Variants in MYH1 observed in about 807,000 individuals in gnomAD.
MYH1 encodes the protein myosin heavy chain 1.
MYH1 carries 214 observed loss-of-function variants against 225.6 expected under a neutral mutation model. The ratio of observed to expected loss-of-function variants is 0.95; its 90% confidence interval spans 0.85 to 1.06. The LOEUF (loss-of-function observed/expected upper bound fraction) is 1.06, where lower values mean the gene tolerates loss of function less well. Among genes scored for constraint, MYH1 ranks in the 50% least tolerant of loss-of-function variants. The pLI is 0.00. For synonymous variants in MYH1, 774 were observed against 842.3 expected (o/e 0.92, Z 1.40); for missense variants, 2,098 against 2,344.2 (o/e 0.89, Z 2.17).
intron 28 of MYH1, among the ~76,000 whole-genome samples, chr17:10,500,362 T>TTATA (rs111335253): frequency 8.8e-5 from 13 of 147,572 alleles, no homozygotes; most frequent in Admixed American, 2.0e-4. Context: ...CTCTCTCTCT[T>TTATA]TATATATATA....
rs1319686709 is a variant in MYH1, at chr17:10,495,260, C to A, written c.5227G>T (p.Gly1743Ter). ...TCCTGGATGATGTCTTCCATCTCTC[C>A]CTGGATTTGGGAAATGTCTGTCTCC... ...KLETDISQIQ[G>*]EMEDIIQEAR... The change falls in exon 36 of 40, where the codon GGA (glycine) becomes TGA (stop). Residue 1743 changes from glycine to a stop codon, truncating the protein, a stop_gained. Transcript: ENST00000226207. LOFTEE classifies it high-confidence loss of function. 6.2e-7 allele frequency: 1 copy of A among 1,614,122 alleles called. No individual in the cohort carries two copies. The highest frequency in any genetic ancestry group is 1.1e-5 in the South Asian group (1 of 91,076).
In MYH1 at chr17:10,514,014, A is replaced by T. The variant is rs745604359; in HGVS notation, c.644T>A (p.Met215Lys). ...KKKEEVTSGK[M>K]QGTLEDQIIS... ...CTGACTAACAATCAGACTCACCTGC[A>T]TTTTGCCAGAAGTAACTTCTTCCTT... Residue 215 changes from methionine to lysine, a missense_variant, in exon 7 of 40, where the codon ATG becomes AAG. Physicochemically the swap from Met to Lys is moderately conservative, Grantham distance 95. Transcript: ENST00000226207. 5 of 1,614,132 alleles carry T rather than the reference A, an allele frequency of 3.1e-6. No individual in the cohort carries two copies. The highest frequency in any genetic ancestry group is 3.4e-6 in the Non-Finnish European group (4 of 1,179,986).
rs1228839721 is a variant in MYH1 at position 10,507,966 on chromosome 17, A to G, written c.1898-10T>C. On this transcript the variant is annotated splice_polypyrimidine_tract_variant and intron_variant, in intron 16 of 39. Transcript: ENST00000226207. ...TTTCCACCGCCAGCCTCTGAGGGGAAAAAGAAAGCAATCATAGGACAGCCT... is the reference window on the plus strand; with the variant it reads ...TTTCCACCGCCAGCCTCTGAGGGGAGAAAGAAAGCAATCATAGGACAGCCT... 5 of 1,610,648 alleles carry G rather than the reference A, an allele frequency of 3.1e-6. No individual in the cohort carries two copies. In the South Asian group the frequency reaches 5.5e-5, roughly 18 times the overall value.
chr17:10,515,601 A>T (rs2073217140), intron 5 of MYH1, among the ~76,000 whole-genome samples: 1 of 152,226 alleles, frequency 6.6e-6, no homozygotes. Context: ...TACATGATTT[A>T]TATGATTCAG....
chr17:10,507,135 C>T (rs2073120695), intron 17 of MYH1, among the ~76,000 whole-genome samples: 2 of 152,136 alleles, frequency 1.3e-5, no homozygotes, highest in African/African-American at 2.4e-5. Context: ...ATGATCTCAG[C>T]TCATGGCAAC....
rs1272751380 is a variant in MYH1, at chr17:10,498,831, A to G, written c.3985-9T>C. The G allele has an allele frequency of 3.7e-6, 6 of 1,613,910 alleles. No individual in the cohort carries two copies. Among genetic ancestry groups the G allele is most frequent in the East Asian group, 2.2e-5 (1 of 44,892 alleles). ...GCCAGGGCACTCTTGGCCTGAGAAC[A>G]TAGAGATTGATGACTTAATTTTATA... On this transcript the variant is annotated splice_polypyrimidine_tract_variant and intron_variant, in intron 29 of 39. Transcript: ENST00000226207.
In MYH1 at chr17:10,507,921, C is replaced by T; in HGVS notation, c.1933G>A (p.Gly645Ser). Residue 645 changes from glycine (G) to serine (S), a missense_variant, in exon 17 of 40, where the codon GGT becomes AGT. Physicochemically the swap from Gly to Ser is moderately conservative, Grantham distance 56 (BLOSUM62 0). Transcript: ENST00000226207. Reference protein sequence around the residue: ...GGGKKGGKKKGSSFQTVSALF... With the variant: ...GGGKKGGKKKSSSFQTVSALF... The stretch of plus-strand genomic sequence containing the variant: ...GCAGACACAGTCTGGAAAGAAGAAC[C>T]CTTCTTCTTACCACCTTTCTTTCCA... 1 of 1,613,856 alleles carries T rather than the reference C, an allele frequency of 6.2e-7. No individual in the cohort carries two copies. The highest frequency in any genetic ancestry group is 2.2e-5 in the East Asian group (1 of 44,876).
chr17:10,505,990 C>G (rs756172808), intron 18 of MYH1, 22 bp downstream of exon 18: 1 of 1,614,116 alleles, frequency 6.2e-7, no homozygotes, highest in Non-Finnish European at 8.5e-7. Context: ...TGGAGCTTGT[C>G]TGGATATCAG....
rs1392042407 is a variant in MYH1, at chr17:10,494,673, C to T, written c.5467G>A (p.Val1823Ile). The change falls in exon 38 of 40, where the codon GTT (valine) becomes ATT (isoleucine). Residue 1823 changes from valine to isoleucine, a missense_variant and splice_region_variant. Coordinates refer to ENST00000226207, the MANE Select transcript of MYH1 (RefSeq NM_005963.4). ...TCAACTTCACCTTCAAGTTCACGAA[C>T]CTACAAGAAGATGGACATTTTAAGG... ...KKQIQKLEAR[V>I]RELEGEVESE... The T allele has an allele frequency of 3.7e-6, 6 of 1,613,650 alleles. 1 individual carries two copies. In the South Asian group the frequency reaches 6.6e-5, roughly 18 times the overall value.
chr17:10,494,262 T>C, intron 39 of MYH1, 92 bp downstream of exon 39: 1 of 1,261,864 alleles, frequency 7.9e-7, no homozygotes, highest in Middle Eastern at 1.9e-4. Context: ...CTTTTGATCC[T>C]TCCTCATTTT....
At position 10,512,485 on chromosome 17, in the gene MYH1, C is replaced by T. The variant is rs796552940; in HGVS notation, c.1070G>A (p.Gly357Glu). Residue 357 changes from glycine to glutamate, a missense_variant, in exon 12 of 40, where the codon GGG (glycine) becomes GAG (glutamate). Physicochemically the swap from Gly to Glu is moderately conservative, Grantham distance 98. Transcript: ENST00000226207. Reference sequence around the variant, plus strand: ...CATGTTCCCATAATGCATCACAGCCCCTGTGAGCTTATAGATGGACACTCT... The same window carrying T: ...CATGTTCCCATAATGCATCACAGCCTCTGTGAGCTTATAGATGGACACTCT... ...DERVSIYKLTGAVMHYGNMKF... is the reference protein window; with the variant it reads ...DERVSIYKLTEAVMHYGNMKF... 3.7e-6 allele frequency: 6 copies of T among 1,613,996 alleles called. No homozygotes were observed. The Admixed American group carries it at 6.7e-5, about 18-fold the overall frequency.
chr17:10,503,259 G>T lies in MYH1; in HGVS notation c.2692-11C>A, dbSNP rs756795572. The T allele has an allele frequency of 1.9e-6, 3 of 1,610,282 alleles. No individual in the cohort carries two copies. The South Asian group carries it at 3.3e-5, about 18-fold the overall frequency. ...CAAGCTGTCAGCTTCCTGAGAAGAG[G>T]CAATAGATATTTTAGATTTTATGAA... On this transcript the variant is annotated splice_polypyrimidine_tract_variant and intron_variant, in intron 22 of 39. Transcript: ENST00000226207.
Position 10,498,983 on chromosome 17 carries a change from C to T in MYH1, c.3975G>A (p.Glu1325=). Residue 1325 remains glutamate, a synonymous_variant, in exon 29 of 40, where the codon GAG becomes GAA. Coordinates refer to ENST00000226207, the MANE Select transcript of MYH1 (RefSeq NM_005963.4). ...GACAAGTGGAGCTTACCTTTATCTC[C>T]TCTTCAAGTTGCCTTTTCAGTTCCT... is the stretch of plus-strand genomic sequence containing the variant. ...QIEELKRQLE[E]EIKAKSALAH... is the part of the protein sequence containing the mutation. 6.2e-7 allele frequency: 1 copy of T among 1,612,200 alleles called. No individual in the cohort carries two copies. Among genetic ancestry groups the T allele is most frequent in the Non-Finnish European group, 8.5e-7 (1 of 1,178,416 alleles).
rs1346129098 is a variant in MYH1, at chr17:10,501,399, A to G, written c.3449T>C (p.Ile1150Thr). Residue 1150 changes from isoleucine (I) to threonine (T), a missense_variant, in exon 27 of 40, where the codon ATC becomes ACC. Physicochemically the swap from Ile to Thr is moderately conservative, Grantham distance 89. Coordinates refer to ENST00000226207, the MANE Select transcript of MYH1 (RefSeq NM_005963.4). The part of the protein sequence containing the change: ...RSDLSRELEE[I>T]SERLEEAGGA... ...ACCGGCTTCTTCCAGCCTCTCGCTG[A>G]TCTCCTCCAGCTCCCGGGAGAGATC... The G allele has an allele frequency of 6.2e-7, 1 of 1,614,118 alleles. No individual in the cohort carries two copies. The highest frequency in any genetic ancestry group is 1.1e-5 in the South Asian group (1 of 91,082).
At chr17:10,514,780 T>C (rs1774135614) in intron 6 of MYH1, 88 bp downstream of exon 6, 2 of 1,194,574 alleles carry the variant, frequency 1.7e-6, no homozygotes, top group South Asian at 2.5e-5. Flanking sequence ...AGTGCTTTAG[T>C]AGAGAACATT....
At position 10,512,008 on chromosome 17, in the gene MYH1, T is replaced by C. The variant is rs768693914; in HGVS notation, c.1267-20A>G. 16 of 1,614,162 alleles carry C rather than the reference T, an allele frequency of 9.9e-6. 1 individual carries two copies. In the South Asian group the frequency reaches 1.8e-4, roughly 18 times the overall value. On this transcript the variant is annotated intron_variant, in intron 13 of 39. Coordinates refer to ENST00000226207, the MANE Select transcript of MYH1 (RefSeq NM_005963.4). ...GTACACCTTCACAGATAAAGTTTGT[T>C]GGTGTTATTAAAGACATGTCATGAA...
At position 10,508,320 on chromosome 17, in the gene MYH1, T is replaced by C. The variant is rs1472671281; in HGVS notation, c.1897+43A>G. Reference sequence around the variant, plus strand: ...AGGCACCGTGTCTGGCCTCTAGTTATGTTTTATACATTAGGTAAAAGATTA... The same window carrying C: ...AGGCACCGTGTCTGGCCTCTAGTTACGTTTTATACATTAGGTAAAAGATTA... On this transcript the variant is annotated intron_variant, in intron 16 of 39. Transcript: ENST00000226207. The C allele has an allele frequency of 2.0e-6, 3 of 1,537,376 alleles. No individual in the cohort carries two copies. In the African/African-American group the frequency reaches 4.2e-5, roughly 21 times the overall value.
intron 14 of MYH1, among the ~76,000 whole-genome samples, chr17:10,510,383 T>C (rs961990722): frequency 7.9e-4 from 120 of 152,308 alleles, no homozygotes; most frequent in African/African-American, 2.6e-3. Flanking sequence ...TCCTCACAGC[T>C]ACCTTTGTAG....
chr17:10,515,718 A>G (rs2073218477), intron 5 of MYH1, among the ~76,000 whole-genome samples: 1 of 152,234 alleles, frequency 6.6e-6, no homozygotes, highest in Non-Finnish European at 1.5e-5. Flanking sequence ...GAGTAATAGC[A>G]TGGCCTAGTA....
Sources: allele counts gnomAD v4.1 joint callset (sites outside exome capture counted in the v4.1 genomes callset), GRCh38; gene constraint gnomAD v4.1.1; transcripts MANE v1.5; gene names NCBI Gene and HGNC (gene_info 2026-07-23, HGNC 2026-07-21).